SYNPO2: variants seen among roughly 807,000 people sequenced by gnomAD.
SYNPO2 encodes synaptopodin-2.
In SYNPO2, 56 loss-of-function variants were observed where a neutral mutation model predicts 85.0. That is an observed-to-expected ratio of 0.66 (90% CI 0.53 to 0.82). The LOEUF (loss-of-function observed/expected upper bound fraction) is 0.82. Ranked by LOEUF, SYNPO2 falls within the 40% of genes least tolerant of loss-of-function variation. The probability of loss-of-function intolerance (pLI) is 0.00; values close to 1 mark genes in which losing one functional copy is unlikely to be tolerated. For synonymous variants in SYNPO2, 602 were observed against 591.1 expected, an observed-to-expected ratio of 1.02 and a Z score of -0.27; for missense variants, 1,575 against 1,534.2, an observed-to-expected ratio of 1.03 and a Z score of -0.44.
chr4:118,891,329 G>GT (rs1023966436), intron 1 of SYNPO2, among the ~76,000 whole-genome samples: 20 of 152,124 alleles, frequency 1.3e-4, no homozygotes, highest in African/African-American at 3.9e-4. Context: ...CTTAATTTTT[G>GT]TGTGTTTGTG....
In SYNPO2 at chr4:118,852,838, C is replaced by A. The variant is rs1731443167; in HGVS notation, c.12+1898C>A. On this transcript the variant is annotated intron_variant, in intron 1 of 4. Transcript: ENST00000610556. Reference sequence around the variant, plus strand: ...CCATTACACAAGTTTACCTATATAACAAACCTACACAAGTACCCCTGAACT... The same window carrying A: ...CCATTACACAAGTTTACCTATATAAAAAACCTACACAAGTACCCCTGAACT... 7.2e-5 allele frequency among the ~76,000 whole-genome samples: 11 copies of A among 152,152 alleles called. No homozygotes were observed. In the South Asian group the frequency reaches 2.3e-3, roughly 32 times the overall value.
At chr4:118,900,671 C>A (rs1438824265) in intron 1 of SYNPO2, among the ~76,000 whole-genome samples, 1 of 56,864 alleles carries the variant, frequency 1.8e-5, no homozygotes, top group Non-Finnish European at 3.3e-5. Context: ...CTTTCTCTCT[C>A]TCTCTCTCTC....
At position 119,027,063 on chromosome 4, in the gene SYNPO2, A is replaced by G; in HGVS notation, c.694A>G (p.Asn232Asp). 6.2e-7 allele frequency: 1 copy of G among 1,614,072 alleles called. No individual in the cohort carries two copies. The highest frequency in any genetic ancestry group is 8.5e-7 in the Non-Finnish European group (1 of 1,180,008). ...EKSKSPDPDP[N>D]LSHDRIVHIN... ...ATCTAAGTCTCCTGACCCAGACCCT[A>G]ACTTGTCACATGACAGGATTGTCCA... Residue 232 changes from asparagine to aspartate, a missense_variant, in exon 3 of 5, where the codon AAC (asparagine) becomes GAC (aspartate). Physicochemically the swap from Asn to Asp is conservative, Grantham distance 23. Around this residue, in one of 3 missense-constraint regions of SYNPO2, gnomAD observed 1,508 missense variants for 1,446.8 expected, o/e 1.04. Transcript: ENST00000307142.
intron 4 of SYNPO2, among the ~76,000 whole-genome samples, chr4:119,049,151 G>A (rs1738962296): frequency 6.6e-6 from 1 of 152,088 alleles, no homozygotes; most frequent in Non-Finnish European, 1.5e-5. Context: ...AGTGTGAGAT[G>A]GAGAGCAGTC....
chr4:118,962,171 C>T (rs1735122456), intron 1 of SYNPO2, among the ~76,000 whole-genome samples: 1 of 152,004 alleles, frequency 6.6e-6, no homozygotes, highest in African/African-American at 2.4e-5. Flanking sequence ...GATGAGCTCA[C>T]TGAGGGACTG....
chr4:119,003,077 TTGCTGTATTAGTCCAC>T (rs1736882436), intron 1 of SYNPO2, among the ~76,000 whole-genome samples: 1 of 152,216 alleles, frequency 6.6e-6, no homozygotes, highest in Non-Finnish European at 1.5e-5. Context: ...TCTTTTTGTC[TTGCTGTATTAGTCCAC>T]TGCTGTATTA....
At chr4:119,016,830 C>T (rs1343869207) in intron 1 of SYNPO2, among the ~76,000 whole-genome samples, 2 of 152,170 alleles carry the variant, frequency 1.3e-5, no homozygotes, top group Non-Finnish European at 2.9e-5. Context: ...TATATTGCAG[C>T]ATCGTTTCTG....
At chr4:118,883,624 G>T (rs1193022635) in intron 1 of SYNPO2, among the ~76,000 whole-genome samples, 2 of 152,076 alleles carry the variant, frequency 1.3e-5, no homozygotes, top group Non-Finnish European at 2.9e-5. Context: ...ATTTAACATA[G>T]ATTTAACATA....
chr4:119,034,403 T>C (rs146314353), intron 4 of SYNPO2: 1 of 982,878 alleles, frequency 1.0e-6, no homozygotes, highest in East Asian at 1.1e-4. Flanking sequence ...GTGTTTTCTT[T>C]CCATTTCCTG....
intron 1 of SYNPO2, among the ~76,000 whole-genome samples, chr4:118,921,685 A>G (rs1456581597): frequency 6.6e-6 from 1 of 152,104 alleles, no homozygotes; most frequent in Non-Finnish European, 1.5e-5. Flanking sequence ...TCCTTTATTA[A>G]TTATGTCTTG....
At chr4:118,941,552 A>AT (rs1238454778) in intron 1 of SYNPO2, among the ~76,000 whole-genome samples, 23 of 152,096 alleles carry the variant, frequency 1.5e-4, no homozygotes, top group African/African-American at 5.1e-4. Flanking sequence ...CCATTTATAC[A>AT]TTTTTTATCC....
At chr4:119,032,929 T>TTGGG in intron 4 of SYNPO2, 22 of 905,264 alleles carry the variant, frequency 2.4e-5, no homozygotes, top group South Asian at 5.0e-5. Context: ...AAAGGTTGAT[T>TTGGG]CCCACCCTCC....
chr4:118,961,439 C>T (rs1172547860), intron 1 of SYNPO2, among the ~76,000 whole-genome samples: 3 of 152,100 alleles, frequency 2.0e-5, no homozygotes, highest in African/African-American at 7.2e-5. Context: ...CTTATGTTCT[C>T]ACTTTGGGTT....
upstream of SYNPO2, chr4:118,888,785 G>A (rs1297608343): frequency 2.0e-6 from 1 of 506,308 alleles, no homozygotes; most frequent in Admixed American, 3.7e-5. Context: ...AAAGGAGAGT[G>A]ACGCAAGAGT....
chr4:118,882,432 G>A (rs1389055763), intron 1 of SYNPO2, among the ~76,000 whole-genome samples: 1 of 151,986 alleles, frequency 6.6e-6, no homozygotes, highest in Non-Finnish European at 1.5e-5. Flanking sequence ...TAAAACATGC[G>A]ATATTTATTA....
chr4:118,925,185 T>G (rs1733671704), intron 1 of SYNPO2, among the ~76,000 whole-genome samples: 1 of 152,166 alleles, frequency 6.6e-6, no homozygotes, highest in South Asian at 2.1e-4. Flanking sequence ...GCCATGGTTA[T>G]TCAAAAAAAT....
At chr4:119,054,969 T>G (rs1739166057) in intron 4 of SYNPO2, among the ~76,000 whole-genome samples, 1 of 152,128 alleles carries the variant, frequency 6.6e-6, no homozygotes, top group Admixed American at 6.5e-5. Flanking sequence ...GTTCTAATTC[T>G]TCCACAGAAA....
intron 4 of SYNPO2, chr4:119,037,219 A>G: frequency 6.6e-7 from 1 of 1,520,760 alleles, no homozygotes; most frequent in African/African-American, 1.4e-5. Flanking sequence ...AACAACATTC[A>G]AAGGAAACAC....
chr4:118,932,069 T>C (rs1224752761), intron 1 of SYNPO2, among the ~76,000 whole-genome samples: 1 of 152,230 alleles, frequency 6.6e-6, no homozygotes, highest in Non-Finnish European at 1.5e-5. Context: ...AGCCATTGGA[T>C]TTTGTGGTCA....
Sources: gnomAD v4.1 joint callset for allele counts (sites outside exome capture counted in the v4.1 genomes callset) on GRCh38, gnomAD v4.1.1 for gene constraint, gnomAD v4.1.1 regional missense constraint, MANE v1.5 for transcripts, NCBI Gene and HGNC (gene_info 2026-07-23, HGNC 2026-07-21) for gene names.